Variants in VCP observed in about 807,000 individuals in gnomAD.
VCP encodes valosin containing protein.
VCP carries 6 observed loss-of-function variants against 85.7 expected under a neutral mutation model. The observed-to-expected ratio is 0.07, with a 90% CI of 0.04 to 0.14. The LOEUF is 0.14. Among genes scored for constraint, VCP ranks in the 10% least tolerant of loss-of-function variants. VCP has a pLI of 1.00. For synonymous variants in VCP, 384 were observed against 367.1 expected (o/e 1.05, Z -0.53); for missense variants, 353 against 1,043.4 (o/e 0.34, Z 9.12).
chr9:35,062,019 T>G lies in VCP; in HGVS notation c.1065A>C (p.Pro355=). 6.2e-7 allele frequency: 1 copy of G among 1,614,212 alleles called. No individual in the cohort carries two copies. The highest frequency in any genetic ancestry group is 8.5e-7 in the Non-Finnish European group (1 of 1,180,032). ...AGTCCTTACCAAATCGCCGTAGAGC[T>G]GGGTCAATGCTGTTGGGTCTGTTGG... ...AATNRPNSID[P]ALRRFGRFDR... The change falls in exon 9 of 17, where the codon CCA becomes CCC. Residue 355 remains proline (P), a synonymous_variant. Transcript: ENST00000358901.
chr9:35,058,958 G>T, intron 15 of VCP, 106 bp downstream of exon 15: 1 of 1,496,428 alleles, frequency 6.7e-7, no homozygotes, highest in Non-Finnish European at 9.2e-7. Context: ...ATTCTTCTCA[G>T]TTAGATGATC....
chr9:35,063,023 G>C lies in VCP; in HGVS notation c.766C>G (p.Arg256Gly). Residue 256 changes from arginine (R) to glycine (G), a missense_variant, in exon 7 of 17, where the codon CGA (arginine) becomes GGA (glycine). Transcript: ENST00000358901. ...GCTCCAGTCTCATTTGCTACAGCTC[G>C]AGCAATCAGGGTCTTTCCTGTTCCA... ...PPGTGKTLIA[R>G]AVANETGAFF... 6.2e-7 allele frequency: 1 copy of C among 1,613,988 alleles called. No homozygotes were observed. The highest frequency in any genetic ancestry group is 1.3e-5 in the African/African-American group (1 of 74,984).
intron 6 of VCP, among the ~76,000 whole-genome samples, chr9:35,063,882 T>C (rs1372011343): frequency 2.0e-5 from 3 of 152,256 alleles, no homozygotes; most frequent in African/African-American, 7.2e-5. Flanking sequence ...GGCTTTTATA[T>C]TCTAAGAGTT....
chr9:35,060,239 C>G (rs995373507), intron 13 of VCP, 74 bp downstream of exon 13: 17 of 1,479,766 alleles, frequency 1.1e-5, no homozygotes, highest in African/African-American at 2.8e-5. Context: ...ATATTTCAAC[C>G]CTCTTAAAGA....
intron 1 of VCP, among the ~76,000 whole-genome samples, chr9:35,069,443 CCTTT>C (rs1390191376): frequency 2.9e-5 from 4 of 139,358 alleles, no homozygotes; most frequent in South Asian, 4.6e-4. Context: ...GCTCCCTCTC[CCTTT>C]TTTTTTTTTT....
chr9:35,057,635 C>T, intron 15 of VCP, 105 bp from the exon 16 acceptor site: 1 of 1,478,826 alleles, frequency 6.8e-7, no homozygotes, highest in Non-Finnish European at 9.3e-7. Flanking sequence ...CCCTTCCAAT[C>T]CAACCTGAGG....
chr9:35,067,821 A>G (rs1828862405), intron 3 of VCP, 70 bp downstream of exon 3: 2 of 1,602,584 alleles, frequency 1.2e-6, no homozygotes, highest in Non-Finnish European at 1.7e-6. Context: ...CCTGTAATAC[A>G]TGGGTCCTGC....
At chr9:35,066,901 C>G in intron 3 of VCP, 84 bp from the exon 4 acceptor site, 1 of 1,604,670 alleles carries the variant, frequency 6.2e-7, no homozygotes. Flanking sequence ...GCACAGATAG[C>G]TGATAGTAAG....
intron 10 of VCP, 100 bp from the exon 11 acceptor site, chr9:35,061,279 C>T: frequency 2.7e-6 from 4 of 1,498,058 alleles, no homozygotes; most frequent in Non-Finnish European, 3.7e-6. Flanking sequence ...ATCCCTGGGT[C>T]CTCTCATTTC....
intron 12 of VCP, 101 bp downstream of exon 12, chr9:35,060,700 G>C (rs1359667592): frequency 6.2e-7 from 1 of 1,601,772 alleles, no homozygotes; most frequent in Non-Finnish European, 8.6e-7. Flanking sequence ...CCTAAGTCGT[G>C]CTCTCACAAC....
At chr9:35,064,047 A>C in intron 6 of VCP, 107 bp downstream of exon 6, 1 of 1,560,886 alleles carries the variant, frequency 6.4e-7, no homozygotes, top group Non-Finnish European at 8.8e-7. Flanking sequence ...CTCTAATCCA[A>C]GGCAATAATG....
chr9:35,068,044 T>C lies in VCP; in HGVS notation c.149A>G (p.Gln50Arg), dbSNP rs1458088202. Residue 50 changes from glutamine to arginine, a missense_variant, in exon 3 of 17, where the codon CAG becomes CGG. Coordinates refer to ENST00000358901, the MANE Select transcript of VCP (RefSeq NM_007126.5). ...SLSQPKMDEL[Q>R]LFRGDTVLLK... ...CAACACTGTGTCACCTCGGAACAAC[T>C]GCAATTCATCCATCTTGGGCTGAGG... 3.7e-6 allele frequency: 6 copies of C among 1,614,132 alleles called. No individual in the cohort carries two copies. In the Admixed American group the frequency reaches 1.0e-4, roughly 27 times the overall value.
At chr9:35,069,448 T>A (rs1201342891) in intron 1 of VCP, among the ~76,000 whole-genome samples, 186 of 111,108 alleles carry the variant, frequency 1.7e-3, no homozygotes, top group African/African-American at 6.6e-3. Flanking sequence ...CTCTCCCTTT[T>A]TTTTTTTTTT....
rs775191293 is a variant in VCP at position 35,059,819 on chromosome 9, T to G, written c.1696-18A>C. 5.0e-6 allele frequency: 8 copies of G among 1,614,062 alleles called. No individual in the cohort carries two copies. Among genetic ancestry groups the G allele is most frequent in the Non-Finnish European group, 5.1e-6 (6 of 1,179,998 alleles). On this transcript the variant is annotated intron_variant, in intron 13 of 16. Transcript: ENST00000358901. This position sits in a 1 kb window ranked among gnomAD's most constrained non-coding sequence, Gnocchi z 4.9. ...TGGCGGGCCTGTAGGAGGAATGGAT[T>G]GATTCAAGCACTAACAAAACTAGAT... is the stretch of plus-strand genomic sequence containing the variant.
intron 7 of VCP, 60 bp downstream of exon 7, chr9:35,062,918 G>T: frequency 1.9e-6 from 3 of 1,538,942 alleles, no homozygotes; most frequent in Non-Finnish European, 2.7e-6. Flanking sequence ...AAGTGCTCCA[G>T]CTCATAAGCC....
chr9:35,062,076 C>T lies in VCP; in HGVS notation c.1008G>A (p.Lys336=). The T allele has an allele frequency of 1.2e-6, 2 of 1,614,174 alleles. No homozygotes were observed. The highest frequency in any genetic ancestry group is 1.7e-6 in the Non-Finnish European group (2 of 1,180,026). Residue 336 remains lysine, a synonymous_variant, in exon 9 of 17, where the codon AAG becomes AAA. Transcript: ENST00000358901. ...SQLLTLMDGL[K]QRAHVIVMAA... ...CCATAACAATCACATGTGCCCTCTG[C>T]TTTAGGCCATCCATGAGGGTCAACA... is the stretch of plus-strand genomic sequence containing the variant.
Position 35,062,414 on chromosome 9 carries a change from C to G in VCP, c.812-64G>C, listed in dbSNP as rs944987749. The G allele has an allele frequency of 8.1e-6, 13 of 1,611,984 alleles. No individual in the cohort carries two copies. The South Asian group carries it at 1.4e-4, about 18-fold the overall frequency. ...GTCTTTCCCAATTCCTCCCAAAAAT[C>G]AGTTATCTTGCTTGTTTGGCCCAGA... On this transcript the variant is annotated intron_variant, in intron 7 of 16. Transcript: ENST00000358901.
chr9:35,072,140 G>C, intron 1 of VCP, 197 bp downstream of exon 1: 1 of 1,390,448 alleles, frequency 7.2e-7, no homozygotes, highest in African/African-American at 1.5e-5. Context: ...GCCCCGCCTA[G>C]GGGGCGCGCG....
chr9:35,063,118 T>G, intron 6 of VCP, 38 bp from the exon 7 acceptor site: 1 of 1,602,276 alleles, frequency 6.2e-7, no homozygotes, highest in Non-Finnish European at 8.5e-7. Context: ...GTTCCCACCT[T>G]CTCCCAAACC....
Sources: gnomAD v4.1 joint callset for allele counts (sites outside exome capture counted in the v4.1 genomes callset) on GRCh38, gnomAD v4.1.1 for gene constraint, Gnocchi (gnomAD v3.1) non-coding constraint, MANE v1.5 for transcripts, NCBI Gene and HGNC (gene_info 2026-07-23, HGNC 2026-07-21) for gene names.